Variants in CRYL1 observed in about 807,000 individuals in gnomAD.
The protein encoded by CRYL1 is lambda-crystallin homolog.
CRYL1 carries 29 observed loss-of-function variants against 36.6 expected under a neutral mutation model. That is an observed-to-expected ratio of 0.79 (90% confidence interval 0.59 to 1.08). The LOEUF is 1.08. Among genes scored for constraint, CRYL1 ranks in the 50% least tolerant of loss-of-function variants. CRYL1 has a pLI of 0.00. For synonymous variants in CRYL1, 152 were observed against 151.5 expected (o/e 1.00, Z -0.02); for missense variants, 411 against 407.9 (o/e 1.01, Z -0.06).
chr13:20,441,483 A>C (rs943226065), intron 3 of CRYL1, among the ~76,000 whole-genome samples: 1 of 152,174 alleles, frequency 6.6e-6, no homozygotes, highest in Admixed American at 6.5e-5. Context: ...AGGGATAAAC[A>C]AGGTGCCCTG....
intron 4 of CRYL1, among the ~76,000 whole-genome samples, 193 bp from the exon 5 acceptor site, chr13:20,432,489 T>G (rs1364577969): frequency 6.6e-6 from 1 of 152,014 alleles, no homozygotes; most frequent in African/African-American, 2.4e-5. Flanking sequence ...GATGCAGAAT[T>G]GTGTGGTTTT....
At chr13:20,485,901 G>C (rs1165866455) in intron 3 of CRYL1, among the ~76,000 whole-genome samples, 4 of 144,766 alleles carry the variant, frequency 2.8e-5, no homozygotes, top group African/African-American at 5.4e-5. Flanking sequence ...TTTTTCTTCA[G>C]GTCTCATAAT....
chr13:20,475,932 C>T (rs945779432), intron 3 of CRYL1, among the ~76,000 whole-genome samples: 2 of 152,200 alleles, frequency 1.3e-5, no homozygotes, highest in African/African-American at 2.4e-5. Context: ...TGTAAGTGTA[C>T]TCAGTCAGTG....
intron 3 of CRYL1, among the ~76,000 whole-genome samples, chr13:20,485,633 C>A (rs926528120): frequency 6.6e-6 from 1 of 151,380 alleles, no homozygotes; most frequent in Non-Finnish European, 1.5e-5. Flanking sequence ...CACGCCACTG[C>A]ACTCCAGCCT....
Position 20,415,978 on chromosome 13 carries a change from G to A in CRYL1, c.634-2591C>T, listed in dbSNP as rs557021630. ...CGGCCATGAGCCTTTGGCTAGTCTG[G>A]GGCTCCTGTGAGCAGGGCAGCCAGG... On this transcript the variant is annotated intron_variant, in intron 5 of 7. Coordinates refer to ENST00000298248, the MANE Select transcript of CRYL1 (RefSeq NM_015974.3). This position sits in a 1 kb window ranked among gnomAD's most constrained non-coding sequence, Gnocchi z 4.1. 2.1e-4 allele frequency among the ~76,000 whole-genome samples: 32 copies of A among 152,302 alleles called. No homozygotes were observed. The highest frequency in any genetic ancestry group is 6.5e-4 in the African/African-American group (27 of 41,574).
chr13:20,441,090 C>T (rs1029950217), intron 3 of CRYL1, among the ~76,000 whole-genome samples: 1 of 152,100 alleles, frequency 6.6e-6, no homozygotes, highest in Admixed American at 6.5e-5. Context: ...GGGATCACAC[C>T]AGGGGTCACT....
At chr13:20,444,610 A>G (rs1019143871) in intron 3 of CRYL1, among the ~76,000 whole-genome samples, 3 of 144,614 alleles carry the variant, frequency 2.1e-5, no homozygotes, top group Non-Finnish European at 3.1e-5. Flanking sequence ...TTGTGTTAAA[A>G]TGCTTGACAT....
chr13:20,436,136 G>T (rs531120682), intron 4 of CRYL1, among the ~76,000 whole-genome samples: 133 of 152,294 alleles, frequency 8.7e-4, no homozygotes, highest in African/African-American at 3.0e-3. Flanking sequence ...CAAGGGGCGG[G>T]GGAGCGGGCT....
At chr13:20,451,214 A>AAAT (rs71074299) in intron 3 of CRYL1, among the ~76,000 whole-genome samples, 6,934 of 152,160 alleles carry the variant, frequency 0.046, 336 homozygotes, top group Admixed American at 0.16. Flanking sequence ...TATAATTTAA[A>AAAT]AATAATAATA....
At position 20,525,188 on chromosome 13, in the gene CRYL1, C is replaced by T. The variant is rs888170989; in HGVS notation, c.41+566G>A. Among the ~76,000 whole-genome samples the T allele has an allele frequency of 5.9e-5, 9 of 152,170 alleles. No homozygotes were observed. Among genetic ancestry groups the T allele is most frequent in the African/African-American group, 2.2e-4 (9 of 41,448 alleles). ...ACATCGCCTCGCCCAGGAATTAGGACTGCGTGTATGTTCGCCTAACACCTG... is the reference window on the plus strand; with the variant it reads ...ACATCGCCTCGCCCAGGAATTAGGATTGCGTGTATGTTCGCCTAACACCTG... On this transcript the variant is annotated intron_variant, in intron 1 of 7. Transcript: ENST00000298248. This position sits in a 1 kb window ranked among gnomAD's most constrained non-coding sequence, Gnocchi z 4.3.
intron 1 of CRYL1, among the ~76,000 whole-genome samples, chr13:20,517,524 G>A (rs1487614451): frequency 2.0e-5 from 3 of 152,072 alleles, no homozygotes; most frequent in Non-Finnish European, 4.4e-5. Context: ...GAACTTGGGA[G>A]GCGGAGGTTG....
In CRYL1 at chr13:20,460,592, C is replaced by G. The variant is rs538668582; in HGVS notation, c.277-20838G>C. On this transcript the variant is annotated intron_variant, in intron 3 of 7. Coordinates refer to ENST00000298248, the MANE Select transcript of CRYL1 (RefSeq NM_015974.3). ...CCAGGCTGGAGTGCAGTGGCGCTAT[C>G]TCGGCTCACTGCAAGCTCCGCCACC... is the stretch of plus-strand genomic sequence containing the variant. Among the ~76,000 whole-genome samples the G allele has an allele frequency of 4.4e-3, 600 of 135,112 alleles. 11 individuals carry two copies. The highest frequency in any genetic ancestry group is 0.016 in the African/African-American group (569 of 36,200). 88.6% of individuals were successfully genotyped at this position (135,112 alleles called of 152,430 possible).
intron 5 of CRYL1, among the ~76,000 whole-genome samples, chr13:20,416,026 C>T (rs1272195330): frequency 2.0e-5 from 3 of 152,200 alleles, no homozygotes; most frequent in East Asian, 1.9e-4. Flanking sequence ...GGGCCCGGGC[C>T]GCGGCTGGGG....
At chr13:20,471,285 AAGAC>A (rs1451667989) in intron 3 of CRYL1, among the ~76,000 whole-genome samples, 2 of 151,996 alleles carry the variant, frequency 1.3e-5, no homozygotes, top group African/African-American at 2.4e-5. Flanking sequence ...GTATATGAAA[AAGAC>A]AGGCCAGGCG....
intron 2 of CRYL1, among the ~76,000 whole-genome samples, chr13:20,502,820 C>T (rs548574440): frequency 1.3e-5 from 2 of 152,282 alleles, no homozygotes; most frequent in African/African-American, 4.8e-5. Flanking sequence ...AAATGGGGTA[C>T]TTTGGTTTCC....
chr13:20,439,309 G>T (rs1457758954), intron 4 of CRYL1, among the ~76,000 whole-genome samples: 2 of 151,922 alleles, frequency 1.3e-5, no homozygotes, highest in Admixed American at 6.6e-5. Flanking sequence ...ACTCTATTCC[G>T]TTGCACATTA....
At chr13:20,504,082 A>T (rs1402754123) in intron 2 of CRYL1, among the ~76,000 whole-genome samples, 1 of 152,190 alleles carries the variant, frequency 6.6e-6, no homozygotes, top group Non-Finnish European at 1.5e-5. Flanking sequence ...CTCAGGCCAG[A>T]CAAGGCAGTG....
At chr13:20,472,367 T>C (rs376323453) in intron 3 of CRYL1, among the ~76,000 whole-genome samples, 58 of 152,254 alleles carry the variant, frequency 3.8e-4, no homozygotes, top group Admixed American at 9.8e-4. Flanking sequence ...TGCCAAATAT[T>C]TTCAAGTCGT....
rs184657227 is a variant in CRYL1 at position 20,417,709 on chromosome 13, G to A, written c.634-4322C>T. Among the ~76,000 whole-genome samples the A allele has an allele frequency of 1.7e-3, 260 of 152,282 alleles. 1 individual carries two copies. Among genetic ancestry groups the A allele is most frequent in the Middle Eastern group, 6.8e-3 (2 of 294 alleles). ...AGTTAAAACCTGAGATTTTTCCACAGTGGAGTAACACATGCATAGCTGGGG... is the reference window on the plus strand; with the variant it reads ...AGTTAAAACCTGAGATTTTTCCACAATGGAGTAACACATGCATAGCTGGGG... On this transcript the variant is annotated intron_variant, in intron 5 of 7. Coordinates refer to ENST00000298248, the MANE Select transcript of CRYL1 (RefSeq NM_015974.3).
Sources: gnomAD v4.1 joint callset for allele counts (sites outside exome capture counted in the v4.1 genomes callset) on GRCh38, gnomAD v4.1.1 for gene constraint, Gnocchi (gnomAD v3.1) non-coding constraint, MANE v1.5 for transcripts, NCBI Gene and HGNC (gene_info 2026-07-23, HGNC 2026-07-21) for gene names.